Variants in CDH20 observed in about 807,000 individuals in gnomAD.
CDH20 encodes the protein cadherin-20.
CDH20 carries 29 observed loss-of-function variants against 74.2 expected under a neutral mutation model. The observed-to-expected ratio is 0.39, with a 90% CI of 0.29 to 0.53. The LOEUF (loss-of-function observed/expected upper bound fraction) is 0.53, where lower values mean the gene tolerates loss of function less well. CDH20 is among the 20% of genes least tolerant of loss of function. The probability of loss-of-function intolerance (pLI) is 0.69; values close to 1 mark genes in which losing one functional copy is unlikely to be tolerated. For missense variants in CDH20, 988 were observed against 1,048.3 expected, an observed-to-expected ratio of 0.94 and a Z score of 0.79; for synonymous variants, 469 against 405.4, an observed-to-expected ratio of 1.16 and a Z score of -1.88.
At chr18:61,506,911 G>A (rs602677) in intron 5 of CDH20, among the ~76,000 whole-genome samples, 144,475 of 152,214 alleles carry the variant, frequency 0.95, 68,611 homozygotes, top group East Asian at 0.99. Flanking sequence ...AGGTGTTGCT[G>A]GAGACAGGCA....
intron 1 of CDH20, among the ~76,000 whole-genome samples, chr18:61,453,078 A>G (rs1909447764): frequency 6.6e-6 from 1 of 152,106 alleles, no homozygotes; most frequent in South Asian, 2.1e-4. Flanking sequence ...CAGGATATTG[A>G]GATTGATATA....
chr18:61,500,949 A>T (rs1179806285), intron 4 of CDH20, among the ~76,000 whole-genome samples: 5 of 152,364 alleles, frequency 3.3e-5, no homozygotes, highest in African/African-American at 1.2e-4. Context: ...CAGATAAAGC[A>T]ATTGGGAAAT....
intron 1 of CDH20, among the ~76,000 whole-genome samples, chr18:61,362,732 G>GTACTACATAGTAGACTTAGTATGACTAAC (rs1910739599): frequency 2.0e-5 from 3 of 151,862 alleles, no homozygotes; most frequent in African/African-American, 7.3e-5. Flanking sequence ...CTATGACTAA[G>GTACTACATAGTAGACTTAGTATGACTAAC]TACTACATAG....
intron 1 of CDH20, among the ~76,000 whole-genome samples, chr18:61,424,153 G>A (rs930075643): frequency 6.6e-6 from 1 of 152,234 alleles, no homozygotes; most frequent in African/African-American, 2.4e-5. Context: ...CATATGATGT[G>A]TAATGATTGA....
intron 1 of CDH20, among the ~76,000 whole-genome samples, chr18:61,413,757 T>A (rs1037353012): frequency 2.6e-5 from 4 of 151,032 alleles, no homozygotes; most frequent in Non-Finnish European, 5.9e-5. Flanking sequence ...ATGAATGGAG[T>A]ACTAAAGCAT....
rs186738116 is a variant in CDH20 at position 61,444,925 on chromosome 18, G to C, written c.-152-45477G>C. Among the ~76,000 whole-genome samples the C allele has an allele frequency of 5.3e-5, 8 of 152,072 alleles. No homozygotes were observed. The East Asian group carries it at 1.5e-3, about 29-fold the overall frequency. ...CTTAGCCTATTTCCTCTGATTCCCA[G>C]TACTAGTGGAAGAAAGGGGTTGCTC... On this transcript the variant is annotated intron_variant, in intron 1 of 11. Transcript: ENST00000262717.
intron 1 of CDH20, among the ~76,000 whole-genome samples, chr18:61,342,453 C>T (rs1336698805): frequency 6.6e-6 from 1 of 152,190 alleles, no homozygotes; most frequent in African/African-American, 2.4e-5. Context: ...CGCCTGTGGT[C>T]TTCACCACTC....
chr18:61,538,577 ACT>A, intron 8 of CDH20, among the ~76,000 whole-genome samples: 3 of 22,924 alleles, frequency 1.3e-4, no homozygotes, highest in Non-Finnish European at 1.8e-4. Context: ...GTAAATAACT[ACT>A]TTTTGTTTGT....
intron 6 of CDH20, among the ~76,000 whole-genome samples, chr18:61,513,196 G>T (rs1414736647): frequency 1.4e-5 from 2 of 146,182 alleles, no homozygotes; most frequent in Non-Finnish European, 1.5e-5. Flanking sequence ...CCTGTATTGG[G>T]TGCATATATA....
At chr18:61,472,581 TTGTC>T (rs1363583577) in intron 1 of CDH20, among the ~76,000 whole-genome samples, 1 of 152,224 alleles carries the variant, frequency 6.6e-6, no homozygotes, top group African/African-American at 2.4e-5. Context: ...ACTTTTCATC[TTGTC>T]TGTTATTTCT....
chr18:61,348,266 A>G (rs1910196594), intron 1 of CDH20, among the ~76,000 whole-genome samples: 1 of 152,116 alleles, frequency 6.6e-6, no homozygotes, highest in African/African-American at 2.4e-5. Flanking sequence ...TTTCTTTTGA[A>G]CTATCTCTGA....
chr18:61,476,206 G>A (rs1910377284), intron 1 of CDH20, among the ~76,000 whole-genome samples: 1 of 152,126 alleles, frequency 6.6e-6, no homozygotes, highest in South Asian at 2.1e-4. Context: ...AAGAACAGCA[G>A]CATTCACACC....
At chr18:61,516,275 C>T (rs1177646809) in intron 6 of CDH20, among the ~76,000 whole-genome samples, 1 of 152,182 alleles carries the variant, frequency 6.6e-6, no homozygotes, top group Non-Finnish European at 1.5e-5. Flanking sequence ...TTCAATGTAA[C>T]AATTTTTTTA....
intron 1 of CDH20, among the ~76,000 whole-genome samples, chr18:61,487,220 A>T (rs528531720): frequency 6.6e-6 from 1 of 152,324 alleles, no homozygotes; most frequent in African/African-American, 2.4e-5. Context: ...ATCTTCTTTT[A>T]TAAGAACAAC....
chr18:61,395,990 T>C (rs987586283), intron 1 of CDH20, among the ~76,000 whole-genome samples: 3 of 151,958 alleles, frequency 2.0e-5, no homozygotes, highest in African/African-American at 7.3e-5. Context: ...GAAGTGAAGA[T>C]TGTTCCCCAA....
chr18:61,395,439 C>G (rs1436769021), intron 1 of CDH20, among the ~76,000 whole-genome samples: 1 of 152,180 alleles, frequency 6.6e-6, no homozygotes, highest in Non-Finnish European at 1.5e-5. Flanking sequence ...TAATGACCGT[C>G]TTCTTGGTCG....
At chr18:61,533,454 T>C (rs1912717782) in intron 7 of CDH20, among the ~76,000 whole-genome samples, 1 of 152,240 alleles carries the variant, frequency 6.6e-6, no homozygotes, top group Non-Finnish European at 1.5e-5. Context: ...ATTCAGCAAA[T>C]GGCAGCTATT....
chr18:61,444,025 A>G (rs572552777), intron 1 of CDH20, among the ~76,000 whole-genome samples: 3 of 152,098 alleles, frequency 2.0e-5, no homozygotes, highest in East Asian at 1.9e-4. Context: ...TTTCCCCTGA[A>G]TATACCCAAT....
intron 5 of CDH20, among the ~76,000 whole-genome samples, chr18:61,503,645 T>A (rs1203195796): frequency 6.6e-6 from 1 of 152,214 alleles, no homozygotes; most frequent in African/African-American, 2.4e-5. Context: ...GTGAGACCCC[T>A]GGACATGAAG....
Sources: gnomAD v4.1 joint callset for allele counts (sites outside exome capture counted in the v4.1 genomes callset) on GRCh38, gnomAD v4.1.1 for gene constraint, MANE v1.5 for transcripts, NCBI Gene and HGNC (gene_info 2026-07-23, HGNC 2026-07-21) for gene names.